The following RNF8 variants were observed in gnomAD, a reference collection of about 807,000 sequenced individuals.
RNF8 encodes ring finger protein 8.
Under a neutral mutation model 59.3 loss-of-function variants are expected in RNF8, and 8 were observed. That is an observed-to-expected ratio of 0.13 (90% CI 0.08 to 0.24). The LOEUF is 0.24. Ranked by LOEUF, RNF8 falls within the 10% of genes least tolerant of loss-of-function variation. RNF8 has a pLI of 1.00. For synonymous variants in RNF8, 162 were observed against 200.0 expected (o/e 0.81, Z 1.60); for missense variants, 406 against 572.6 (o/e 0.71, Z 2.97).
At chr6:37,390,650 G>A (rs1469945436) in intron 7 of RNF8, 92 bp from the exon 8 acceptor site, 6 of 884,120 alleles carry the variant, frequency 6.8e-6, no homozygotes, top group African/African-American at 1.7e-5. Context: ...GCTGTGTGAG[G>A]AAGAGACAGG....
chr6:37,369,258 G>T, intron 3 of RNF8, 40 bp downstream of exon 3: 1 of 1,538,890 alleles, frequency 6.5e-7, no homozygotes, highest in Non-Finnish European at 8.7e-7. Context: ...GTCTTCAGGG[G>T]TGGGGCAGGC....
intron 1 of RNF8, among the ~76,000 whole-genome samples, chr6:37,357,248 C>T (rs535202279): frequency 2.6e-5 from 4 of 152,280 alleles, no homozygotes; most frequent in Admixed American, 2.6e-4. Context: ...TTGAGTGGTC[C>T]TGAGATTTCC....
chr6:37,364,503 A>T (rs1769467895), intron 2 of RNF8, among the ~76,000 whole-genome samples: 1 of 152,194 alleles, frequency 6.6e-6, no homozygotes, highest in Non-Finnish European at 1.5e-5. Flanking sequence ...TAAAGACTTT[A>T]AAAAATATAT....
chr6:37,378,653 T>G (rs987415194), intron 6 of RNF8, among the ~76,000 whole-genome samples: 2 of 151,416 alleles, frequency 1.3e-5, no homozygotes, highest in Non-Finnish European at 1.5e-5. Flanking sequence ...CTTTCTTTTC[T>G]CAGGTGATCT....
intron 2 of RNF8, among the ~76,000 whole-genome samples, chr6:37,365,422 C>G (rs765680586): frequency 6.6e-6 from 1 of 152,198 alleles, no homozygotes. Context: ...AATACTGATA[C>G]TTAGTTCCTA....
intron 2 of RNF8, among the ~76,000 whole-genome samples, chr6:37,367,763 A>G (rs1315334267): frequency 6.6e-6 from 1 of 152,188 alleles, no homozygotes; most frequent in African/African-American, 2.4e-5. Flanking sequence ...ATTTACATGC[A>G]TTATCTTATT....
At chr6:37,381,092 G>A in intron 6 of RNF8, 58 bp from the exon 7 acceptor site, 2 of 1,453,060 alleles carry the variant, frequency 1.4e-6, no homozygotes, top group South Asian at 2.3e-5. Context: ...GAGATCACAA[G>A]CATCCTGAGA....
intron 1 of RNF8, chr6:37,359,475 G>A (rs1029650025): frequency 5.0e-6 from 1 of 200,526 alleles, no homozygotes; most frequent in Non-Finnish European, 1.0e-5. Context: ...GAGATATTAA[G>A]TATGTCTGAT....
At chr6:37,384,590 G>A (rs530943215) in intron 7 of RNF8, among the ~76,000 whole-genome samples, 1 of 152,220 alleles carries the variant, frequency 6.6e-6, no homozygotes, top group Admixed American at 6.5e-5. Flanking sequence ...TGGGGAGATG[G>A]ATCCAGGTCA....
At chr6:37,385,658 T>C in intron 7 of RNF8, among the ~76,000 whole-genome samples, 1 of 152,014 alleles carries the variant, frequency 6.6e-6, no homozygotes, top group Non-Finnish European at 1.5e-5. Flanking sequence ...AGAAAAAGTA[T>C]GCTTTGCAAA....
chr6:37,373,671 G>A (rs1220800045), intron 4 of RNF8, among the ~76,000 whole-genome samples: 1 of 152,188 alleles, frequency 6.6e-6, no homozygotes, highest in Non-Finnish European at 1.5e-5. Flanking sequence ...GCCTCCCAAA[G>A]TGCTGGGATT....
At chr6:37,361,988 G>C (rs1769342329) in intron 2 of RNF8, among the ~76,000 whole-genome samples, 1 of 152,220 alleles carries the variant, frequency 6.6e-6, no homozygotes, top group Non-Finnish European at 1.5e-5. Flanking sequence ...GCTATGCCCT[G>C]TGTCAAGTAT....
intron 5 of RNF8, among the ~76,000 whole-genome samples, chr6:37,376,327 A>G (rs936715805): frequency 6.6e-6 from 1 of 152,206 alleles, no homozygotes; most frequent in African/African-American, 2.4e-5. Context: ...TTGCAATGCA[A>G]ATACTGAAAA....
rs1769271541 is a variant in RNF8 at position 37,360,450 on chromosome 6, C to A, written c.116C>A (p.Thr39Asn). 9.3e-6 allele frequency: 15 copies of A among 1,613,650 alleles called. No homozygotes were observed. The highest frequency in any genetic ancestry group is 1.3e-5 in the Non-Finnish European group (15 of 1,179,832). ...WLLLEDGCEV[T>N]VGRGFGVTYQ... ...TGCATTGTTGTTGTCTCCCAGGTGA[C>A]TGTAGGACGAGGATTTGGTGTCACA... The change falls in exon 2 of 8, where the codon ACT becomes AAT. Residue 39 changes from threonine to asparagine, a missense_variant. By Grantham distance (65) the Thr-to-Asn change is moderately conservative. This residue lies in a region of RNF8 where 62 missense variants were observed against 112.2 expected (regional missense o/e 0.55). Coordinates refer to ENST00000373479, the MANE Select transcript of RNF8 (RefSeq NM_003958.4). The surrounding 1 kb of genome is among the most constrained non-coding windows in gnomAD (Gnocchi z 4.2).
At chr6:37,373,893 A>G (rs1769908207) in intron 4 of RNF8, among the ~76,000 whole-genome samples, 1 of 152,248 alleles carries the variant, frequency 6.6e-6, no homozygotes, top group South Asian at 2.1e-4. Flanking sequence ...TCTTTTAAAA[A>G]GAATTTGAGG....
chr6:37,362,373 A>G (rs561187511), intron 2 of RNF8, among the ~76,000 whole-genome samples: 2 of 152,164 alleles, frequency 1.3e-5, no homozygotes, highest in Non-Finnish European at 1.5e-5. Flanking sequence ...CTCACTCTCC[A>G]GTGTTTGCTT....
chr6:37,355,055 C>T (rs969782303), intron 1 of RNF8, among the ~76,000 whole-genome samples: 1 of 152,116 alleles, frequency 6.6e-6, no homozygotes, highest in African/African-American at 2.4e-5. Context: ...CAGAGGCTGC[C>T]TGTCGTCTTT....
intron 7 of RNF8, among the ~76,000 whole-genome samples, chr6:37,388,935 T>TAAAAA (rs10667248): frequency 2.1e-5 from 3 of 139,920 alleles, no homozygotes; most frequent in African/African-American, 8.3e-5. Context: ...CCTATCTCTT[T>TAAAAA]AAAAAAAAAA....
chr6:37,378,194 T>C (rs1168930102), intron 6 of RNF8, among the ~76,000 whole-genome samples: 1 of 152,040 alleles, frequency 6.6e-6, no homozygotes, highest in Non-Finnish European at 1.5e-5. Flanking sequence ...GTCGGAAGGC[T>C]GAGGCAGGAG....
Sources: allele counts gnomAD v4.1 joint callset (sites outside exome capture counted in the v4.1 genomes callset), GRCh38; gene constraint gnomAD v4.1.1; regional missense constraint gnomAD v4.1.1; non-coding constraint Gnocchi (gnomAD v3.1); transcripts MANE v1.5; gene names NCBI Gene and HGNC (gene_info 2026-07-23, HGNC 2026-07-21).